Variants in ZNF69 observed in about 807,000 individuals in gnomAD.
ZNF69 encodes the protein ZNF3.
Under a neutral mutation model 50.9 loss-of-function variants are expected in ZNF69, and 47 were observed. That is an observed-to-expected ratio of 0.92 (90% CI 0.73 to 1.18). ZNF69 has a LOEUF of 1.18. Among genes scored for constraint, ZNF69 ranks in the 50% most tolerant of loss-of-function variants. The pLI is 0.00. For synonymous variants in ZNF69, 216 were observed against 223.1 expected, an observed-to-expected ratio of 0.97 and a Z score of 0.29; for missense variants, 717 against 675.1, an observed-to-expected ratio of 1.06 and a Z score of -0.69.
the ZNF69 span, among the ~76,000 whole-genome samples, chr19:11,944,241 C>G: frequency 6.6e-6 from 1 of 152,090 alleles, no homozygotes; most frequent in Non-Finnish European, 1.5e-5. Context: ...GCCTGGAAGT[C>G]CCCATACTAT....
chr19:11,906,582 A>T lies in ZNF69; in HGVS notation c.*484A>T, dbSNP rs1454786066. ...CAAACAGGGTCTGGAGTGGACCTCA[A>T]GCAAAATCCAACAGACCTCAGCTGA... On this transcript the variant is annotated 3_prime_UTR_variant, in exon 4 of 4. Transcript: ENST00000429654. Among the ~76,000 whole-genome samples, 1 of 152,248 alleles carries T rather than the reference A, an allele frequency of 6.6e-6. No individual in the cohort carries two copies. Among genetic ancestry groups the T allele is most frequent in the Non-Finnish European group, 1.5e-5 (1 of 68,036 alleles).
chr19:11,967,601 C>G, the ZNF69 span, among the ~76,000 whole-genome samples: 1 of 152,128 alleles, frequency 6.6e-6, no homozygotes, highest in East Asian at 1.9e-4. Flanking sequence ...GACGGGGTTT[C>G]ACCGTGTTAG....
chr19:11,910,204 C>T (rs565599045), downstream of ZNF69, among the ~76,000 whole-genome samples: 24 of 152,300 alleles, frequency 1.6e-4, no homozygotes, highest in South Asian at 4.1e-4. Flanking sequence ...ATTCCATGCT[C>T]GTGGATAGGA....
the ZNF69 span, chr19:11,978,889 G>A: frequency 3.2e-3 from 5,163 of 1,614,040 alleles, 126 homozygotes; most frequent in African/African-American, 0.059. Flanking sequence ...AAAGCATTCC[G>A]TAGTTACAGA....
chr19:11,946,528 TCTAAAAC>T, the ZNF69 span, among the ~76,000 whole-genome samples: 1 of 151,932 alleles, frequency 6.6e-6, no homozygotes, highest in African/African-American at 2.4e-5. Flanking sequence ...CTGTGGGGGG[TCTAAAAC>T]CAGCTGTAAC....
chr19:11,952,282 G>GT, the ZNF69 span, among the ~76,000 whole-genome samples: 26 of 152,308 alleles, frequency 1.7e-4, no homozygotes, highest in South Asian at 5.2e-3. Context: ...TTCCTAAAAT[G>GT]TATGGGCACT....
At chr19:11,952,447 A>G in the ZNF69 span, among the ~76,000 whole-genome samples, 4,139 of 152,268 alleles carry the variant, frequency 0.027, 168 homozygotes, top group African/African-American at 0.092. Flanking sequence ...TGTGCTGTTG[A>G]TGCTAACTTG....
At chr19:11,889,704 A>G (rs968963696) in intron 1 of ZNF69, among the ~76,000 whole-genome samples, 1 of 152,170 alleles carries the variant, frequency 6.6e-6, no homozygotes, top group Non-Finnish European at 1.5e-5. Flanking sequence ...CACAGAGACG[A>G]AGTATAGGGA....
the ZNF69 span, among the ~76,000 whole-genome samples, chr19:11,970,166 GC>G: frequency 6.6e-6 from 1 of 152,200 alleles, no homozygotes; most frequent in African/African-American, 2.4e-5. Context: ...TGGCTGTTCT[GC>G]CAATCGGATG....
chr19:11,934,302 A>G, the ZNF69 span, among the ~76,000 whole-genome samples: 1 of 147,778 alleles, frequency 6.8e-6, no homozygotes, highest in African/African-American at 2.7e-5. Flanking sequence ...ATTTGGGTCA[A>G]TATTGTAGGA....
the ZNF69 span, chr19:11,947,331 G>A: frequency 7.7e-5 from 125 of 1,613,130 alleles, no homozygotes; most frequent in African/African-American, 4.5e-4. Flanking sequence ...TATTCCTTCC[G>A]TCAGTGCATT....
rs775881981 is a variant in ZNF69, at chr19:11,905,052, C to T, written c.655C>T (p.Pro219Ser). 4 of 1,614,092 alleles carry T rather than the reference C, an allele frequency of 2.5e-6. No individual in the cohort carries two copies. The highest frequency in any genetic ancestry group is 1.3e-5 in the African/African-American group (1 of 75,020). ...RHVVMHSGDG[P>S]YKCKFCGKAF... Reference sequence around the variant, plus strand: ...CGTGGTAATGCACAGTGGGGATGGACCTTATAAATGTAAATTTTGTGGGAA... The same window carrying T: ...CGTGGTAATGCACAGTGGGGATGGATCTTATAAATGTAAATTTTGTGGGAA... Residue 219 changes from proline (P) to serine (S), a missense_variant, in exon 4 of 4, where the codon CCT becomes TCT. Pro to Ser is a moderately conservative substitution (Grantham distance 74). Coordinates refer to ENST00000429654, the MANE Select transcript of ZNF69 (RefSeq NM_001364730.1).
At chr19:11,976,555 C>CAAAAA in the ZNF69 span, among the ~76,000 whole-genome samples, 3 of 73,826 alleles carry the variant, frequency 4.1e-5, no homozygotes, top group African/African-American at 1.5e-4. Flanking sequence ...GACTCTGTCT[C>CAAAAA]AAAAAAAAAA....
At chr19:11,936,627 A>G in the ZNF69 span, among the ~76,000 whole-genome samples, 4 of 152,050 alleles carry the variant, frequency 2.6e-5, no homozygotes, top group Non-Finnish European at 5.9e-5. Context: ...ATTTTCTCTC[A>G]TTCTATAGGT....
the ZNF69 span, among the ~76,000 whole-genome samples, chr19:11,944,144 G>A: frequency 3.3e-5 from 5 of 152,134 alleles, no homozygotes; most frequent in African/African-American, 9.7e-5. Context: ...GGCGTTTCTC[G>A]TTTACCTAGG....
chr19:11,947,365 T>C, the ZNF69 span: 1 of 1,610,100 alleles, frequency 6.2e-7, no homozygotes, highest in Non-Finnish European at 8.5e-7. Flanking sequence ...TTCTAGCTCA[T>C]GAATGCTGTT....
In ZNF69 at chr19:11,906,135, C is replaced by T. The variant is rs1972370137; in HGVS notation, c.*37C>T. On this transcript the variant is annotated 3_prime_UTR_variant, in exon 4 of 4. Coordinates refer to ENST00000429654, the MANE Select transcript of ZNF69 (RefSeq NM_001364730.1). ...CAGATCTGCCTCACACCTTTGAATG[C>T]ATGGTAGGACACACAATCAAGAGAA... 1 of 1,595,830 alleles carries T rather than the reference C, an allele frequency of 6.3e-7. No individual in the cohort carries two copies. The highest frequency in any genetic ancestry group is 8.5e-7 in the Non-Finnish European group (1 of 1,174,244).
chr19:11,977,531 T>A, the ZNF69 span: 1 of 1,395,662 alleles, frequency 7.2e-7, no homozygotes, highest in Non-Finnish European at 9.9e-7. Flanking sequence ...CAGTATCAAA[T>A]TCATCTCTTC....
chr19:11,929,867 C>G, the ZNF69 span, among the ~76,000 whole-genome samples: 47 of 148,542 alleles, frequency 3.2e-4, no homozygotes, highest in East Asian at 8.7e-3. Flanking sequence ...TCCTTTCTGC[C>G]TCTCCTCCTT....
Sources: gnomAD v4.1 joint callset for allele counts (sites outside exome capture counted in the v4.1 genomes callset) on GRCh38, gnomAD v4.1.1 for gene constraint, MANE v1.5 for transcripts, NCBI Gene and HGNC (gene_info 2026-07-23, HGNC 2026-07-21) for gene names.